CCDC102B: variants seen among roughly 807,000 people sequenced by gnomAD.
CCDC102B encodes the protein coiled-coil domain containing 102B, also known as coiled-coil domain-containing protein 102B.
A neutral mutation model predicts 57.4 loss-of-function variants in CCDC102B; 75 were observed. That is an observed-to-expected ratio of 1.31 (90% CI 1.08 to 1.58). The LOEUF (loss-of-function observed/expected upper bound fraction) is 1.58. Ranked by LOEUF, CCDC102B falls within the 40% of genes most tolerant of loss-of-function variation. The probability of loss-of-function intolerance (pLI) is 0.00; values close to 1 mark genes in which losing one functional copy is unlikely to be tolerated. For missense variants in CCDC102B, 636 were observed against 582.6 expected (o/e 1.09, Z -0.94); for synonymous variants, 206 against 201.9 (o/e 1.02, Z -0.17).
At chr18:68,728,220 C>T (rs1240390908) in intron 2 of CCDC102B, among the ~76,000 whole-genome samples, 1 of 152,152 alleles carries the variant, frequency 6.6e-6, no homozygotes, top group Non-Finnish European at 1.5e-5. Context: ...TGCTTGCCAG[C>T]AGGAGAGGCA....
chr18:69,015,476 T>G (rs2051639745), intron 7 of CCDC102B, among the ~76,000 whole-genome samples: 2 of 152,332 alleles, frequency 1.3e-5, no homozygotes, highest in African/African-American at 2.4e-5. Context: ...GATTTCTCCT[T>G]GAAAGGAAAA....
intron 2 of CCDC102B, among the ~76,000 whole-genome samples, chr18:68,788,525 C>T (rs2035300483): frequency 6.6e-6 from 1 of 151,046 alleles, no homozygotes; most frequent in African/African-American, 2.5e-5. Context: ...GTATTGGGTG[C>T]ATATATATTT....
chr18:68,790,204 T>A (rs372996248), intron 2 of CCDC102B, among the ~76,000 whole-genome samples: 3 of 148,100 alleles, frequency 2.0e-5, no homozygotes, highest in Admixed American at 6.7e-5. Context: ...TCTCCAGCTG[T>A]GTGCTGGGAG....
At chr18:68,867,791 A>G (rs143794059) in intron 4 of CCDC102B, among the ~76,000 whole-genome samples, 106,196 of 151,194 alleles carry the variant, frequency 0.7, 37,719 homozygotes, top group East Asian at 1. Flanking sequence ...AAAATTAGTC[A>G]GGAGTGGTGG....
chr18:68,722,085 G>T (rs1469389078), intron 2 of CCDC102B, among the ~76,000 whole-genome samples: 1 of 152,218 alleles, frequency 6.6e-6, no homozygotes, highest in African/African-American at 2.4e-5. Flanking sequence ...GCCTTGCCCT[G>T]ATGAAGCTTT....
chr18:69,034,074 A>C (rs7238967), intron 7 of CCDC102B, among the ~76,000 whole-genome samples: 125,135 of 151,772 alleles, frequency 0.82, 53,766 homozygotes, highest in Non-Finnish European at 0.95. Context: ...TGGTTTTTTT[A>C]ATTACTATTA....
At chr18:68,876,651 A>G (rs1671538571) in intron 5 of CCDC102B, among the ~76,000 whole-genome samples, 1 of 152,198 alleles carries the variant, frequency 6.6e-6, no homozygotes, top group African/African-American at 2.4e-5. Flanking sequence ...TGAATATATT[A>G]GAAATGGTTA....
At chr18:68,806,891 C>T (rs562355634) in intron 1 of CCDC102B, among the ~76,000 whole-genome samples, 3 of 152,068 alleles carry the variant, frequency 2.0e-5, no homozygotes, top group East Asian at 1.9e-4. Context: ...ACAATTCAGG[C>T]GACCCTCATT....
chr18:68,821,718 C>G (rs1423348281), intron 1 of CCDC102B, among the ~76,000 whole-genome samples: 3 of 151,512 alleles, frequency 2.0e-5, no homozygotes, highest in Non-Finnish European at 4.4e-5. Context: ...TATGTATATA[C>G]ACATATATGT....
At chr18:68,855,812 T>G (rs2038358898) in intron 4 of CCDC102B, among the ~76,000 whole-genome samples, 1 of 152,068 alleles carries the variant, frequency 6.6e-6, no homozygotes, top group African/African-American at 2.4e-5. Flanking sequence ...TACATGATGT[T>G]TTTTTGAAAA....
intron 2 of CCDC102B, among the ~76,000 whole-genome samples, chr18:68,762,242 T>C (rs2362222): frequency 0.16 from 25,038 of 152,148 alleles, 2,107 homozygotes; most frequent in East Asian, 0.31. Flanking sequence ...AAAAGAAGGC[T>C]AACATATCTC....
At position 68,978,114 on chromosome 18, in the gene CCDC102B, C is replaced by T. The variant is rs181234610; in HGVS notation, c.1264-32820C>T. ...TAATTAAATGTTTAATAAATGTGTG[C>T]TCATATTAATACTGTTGTTATAATC... On this transcript the variant is annotated intron_variant, in intron 6 of 7. Coordinates refer to ENST00000360242, the MANE Select transcript of CCDC102B (RefSeq NM_024781.3). Among the ~76,000 whole-genome samples, 12 of 152,160 alleles carry T rather than the reference C, an allele frequency of 7.9e-5. No homozygotes were observed. In the East Asian group the frequency reaches 2.1e-3, roughly 27 times the overall value.
intron 6 of CCDC102B, among the ~76,000 whole-genome samples, chr18:69,000,045 A>G (rs766850254): frequency 2.6e-5 from 4 of 152,160 alleles, no homozygotes; most frequent in Non-Finnish European, 4.4e-5. Context: ...TGAACAAAGA[A>G]CTTTCACATA....
At chr18:68,739,176 A>G (rs1171348278) in intron 2 of CCDC102B, among the ~76,000 whole-genome samples, 4 of 152,050 alleles carry the variant, frequency 2.6e-5, no homozygotes, top group Non-Finnish European at 5.9e-5. Flanking sequence ...TTGTATTTTT[A>G]GTAGAGACGG....
chr18:68,935,125 T>A (rs1484407086), intron 6 of CCDC102B, among the ~76,000 whole-genome samples: 1 of 151,738 alleles, frequency 6.6e-6, no homozygotes, highest in African/African-American at 2.4e-5. Flanking sequence ...TTAGAAGAGA[T>A]GAAGGAATGA....
chr18:69,047,786 A>G (rs1288346572), intron 7 of CCDC102B, among the ~76,000 whole-genome samples: 2 of 152,086 alleles, frequency 1.3e-5, no homozygotes, highest in Non-Finnish European at 2.9e-5. Context: ...TCCCATTCAC[A>G]ATAGCCCCCA....
chr18:68,963,799 G>A (rs1286223714), intron 6 of CCDC102B, among the ~76,000 whole-genome samples: 1 of 151,388 alleles, frequency 6.6e-6, no homozygotes, highest in African/African-American at 2.4e-5. Context: ...ATGTATATGT[G>A]TATATATGTA....
chr18:68,997,709 G>A (rs4891351), intron 6 of CCDC102B, among the ~76,000 whole-genome samples: 129,996 of 151,766 alleles, frequency 0.86, 57,654 homozygotes, highest in Non-Finnish European at 0.97. Flanking sequence ...TCATTCATCC[G>A]TGTCTTTTTA....
chr18:68,947,987 A>T (rs1328103683), intron 6 of CCDC102B, among the ~76,000 whole-genome samples: 1 of 152,146 alleles, frequency 6.6e-6, no homozygotes, highest in Non-Finnish European at 1.5e-5. Context: ...TCCTAGCTGG[A>T]TCAAGTTTGT....
Sources: gnomAD v4.1 joint callset for allele counts (sites outside exome capture counted in the v4.1 genomes callset) on GRCh38, gnomAD v4.1.1 for gene constraint, MANE v1.5 for transcripts, NCBI Gene and HGNC (gene_info 2026-07-23, HGNC 2026-07-21) for gene names.